The following IL7 variants were observed in gnomAD, a reference collection of about 807,000 sequenced individuals.
IL7 encodes the protein interleukin 7.
Under a neutral mutation model 21.6 loss-of-function variants are expected in IL7, and 3 were observed. The ratio of observed to expected loss-of-function variants is 0.14; its 90% CI spans 0.06 to 0.36. The LOEUF is 0.36. Ranked by LOEUF, IL7 falls within the 10% of genes least tolerant of loss-of-function variation. The pLI, the probability that IL7 is intolerant of heterozygous loss-of-function variation, is 1.00. For missense variants in IL7, 175 were observed against 200.2 expected (o/e 0.87, Z 0.76); for synonymous variants, 62 against 68.1 (o/e 0.91, Z 0.44).
intron 2 of IL7, 105 bp downstream of exon 2, chr8:78,797,967 C>T: frequency 2.3e-6 from 2 of 854,088 alleles, no homozygotes; most frequent in South Asian, 4.5e-5. Context: ...AGTTACTTCA[C>T]TTTCTTGTCA....
intron 2 of IL7, among the ~76,000 whole-genome samples, chr8:78,747,386 T>C (rs1812016757): frequency 6.6e-6 from 1 of 152,084 alleles, no homozygotes; most frequent in African/African-American, 2.4e-5. Flanking sequence ...GGTTTCACCA[T>C]GTTGGCCAGG....
At chr8:78,686,341 A>G (rs967601980) in intron 3 of IL7, 5 of 783,272 alleles carry the variant, frequency 6.4e-6, no homozygotes, top group Non-Finnish European at 8.8e-6. Flanking sequence ...TTTGAGAAGG[A>G]TATCATTTAA....
At chr8:78,774,243 C>T (rs911824650) in intron 2 of IL7, among the ~76,000 whole-genome samples, 1 of 152,046 alleles carries the variant, frequency 6.6e-6, no homozygotes, top group African/African-American at 2.4e-5. Flanking sequence ...AACCCTGTAG[C>T]CTTGCCTCTT....
intron 2 of IL7, chr8:78,761,656 T>G: frequency 1.2e-6 from 2 of 1,612,040 alleles, no homozygotes; most frequent in Non-Finnish European, 1.7e-6. Context: ...AAAAGACGTG[T>G]GAGTCTCTCA....
chr8:78,702,935 C>T (rs1029788428), intron 3 of IL7, among the ~76,000 whole-genome samples: 23 of 152,060 alleles, frequency 1.5e-4, no homozygotes, highest in East Asian at 5.8e-4. Flanking sequence ...TTCACTCTGT[C>T]GCCCAGGCTA....
At chr8:78,783,751 T>C (rs114844596) in intron 2 of IL7, among the ~76,000 whole-genome samples, 279 of 152,324 alleles carry the variant, frequency 1.8e-3, no homozygotes, top group African/African-American at 6.3e-3. Context: ...ATTTGAGAGA[T>C]GAAGTATGAG....
At chr8:78,704,761 A>G (rs1018231002) in intron 3 of IL7, among the ~76,000 whole-genome samples, 7 of 152,128 alleles carry the variant, frequency 4.6e-5, no homozygotes, top group African/African-American at 1.7e-4. Context: ...GTCTTTTTAT[A>G]TAATGTCACA....
rs575768717 is a variant in IL7, at chr8:78,740,065, A to C, written c.165T>G (p.Ile55Met). 2.3e-5 allele frequency: 35 copies of C among 1,528,522 alleles called. No homozygotes were observed. The Middle Eastern group carries it at 5.2e-4, about 23-fold the overall frequency. The allele number at this position is 1,528,522 out of a possible 1,614,324, so 94.7% of individuals were successfully genotyped here. Residue 55 changes from isoleucine (I) to methionine (M), a missense_variant, in exon 3 of 6, where the codon ATT becomes ATG. Transcript: ENST00000263851. ...ATTCATTATTCAGGCAATTGCTACC[A>C]ATTTCTTTCATGCTGTCCTGTAATA... The part of the protein sequence containing the change: ...IDQLLDSMKE[I>M]GSNCLNNEFN...
At chr8:78,795,860 CA>C (rs1813835723) in intron 2 of IL7, among the ~76,000 whole-genome samples, 1 of 151,962 alleles carries the variant, frequency 6.6e-6, no homozygotes, top group Non-Finnish European at 1.5e-5. Flanking sequence ...TTACAATGTA[CA>C]GTGTAGCACA....
At chr8:78,750,064 A>G (rs1812114790) in intron 2 of IL7, among the ~76,000 whole-genome samples, 2 of 152,076 alleles carry the variant, frequency 1.3e-5, no homozygotes, top group African/African-American at 2.4e-5. Context: ...AAAAAGCTGA[A>G]TAGTCTGTTC....
intron 3 of IL7, chr8:78,697,578 G>A: frequency 9.2e-7 from 1 of 1,092,182 alleles, no homozygotes; most frequent in South Asian, 1.4e-5. Context: ...AAAGATAGTG[G>A]TCTATTCTGG....
intron 3 of IL7, chr8:78,724,142 A>G (rs1811298778): frequency 6.6e-6 from 1 of 152,240 alleles, no homozygotes; most frequent in Non-Finnish European, 1.5e-5. Context: ...GCCATGGGGA[A>G]GAGCTAGGAG....
In IL7 at chr8:78,805,126, G is replaced by A. The variant is rs1009712426; in HGVS notation, c.-204C>T. 7.3e-6 allele frequency: 4 copies of A among 551,654 alleles called. No individual in the cohort carries two copies. Among genetic ancestry groups the A allele is most frequent in the Non-Finnish European group, 1.3e-5 (4 of 303,890 alleles). The allele number at this position is 551,654 out of a possible 1,614,324, so 34.2% of individuals were successfully genotyped here. A position where few individuals can be genotyped will look rare whatever the true frequency, so the allele number is the denominator to read the frequency against. ...CAAGGGGGGCGGCACACACTACGGC[G>A]TGGCTCTGCGCTTTGCCTTTTCCAT... On this transcript the variant is annotated 5_prime_UTR_variant, in exon 1 of 6. It adds an upstream start codon to the 5' untranslated region. Coordinates refer to ENST00000263851, the MANE Select transcript of IL7 (RefSeq NM_000880.4).
chr8:78,694,587 T>C (rs1810336940), intron 3 of IL7, among the ~76,000 whole-genome samples: 2 of 152,202 alleles, frequency 1.3e-5, no homozygotes, highest in Non-Finnish European at 2.9e-5. Flanking sequence ...GAAATTTCTT[T>C]TCCTCTCATT....
chr8:78,681,521 TGTC>T (rs1333538189), intron 4 of IL7, among the ~76,000 whole-genome samples: 1 of 152,208 alleles, frequency 6.6e-6, no homozygotes, highest in Non-Finnish European at 1.5e-5. Context: ...AAGTAGATAA[TGTC>T]ATTCTTTTTG....
intron 3 of IL7, among the ~76,000 whole-genome samples, chr8:78,692,648 T>C (rs1200192678): frequency 4.6e-5 from 7 of 152,078 alleles, no homozygotes; most frequent in African/African-American, 1.7e-4. Context: ...TGGTTTCCAG[T>C]AATCTTTTTG....
At chr8:78,717,677 A>G (rs1586037839), downstream of IL7, 2 of 410,450 alleles carry the variant, frequency 4.9e-6, no homozygotes, top group South Asian at 8.3e-5. Context: ...CATATACTGT[A>G]TATAATAAAT....
Position 78,709,456 on chromosome 8 carries a change from C to T in IL7, n.214+11892G>A, listed in dbSNP as rs570140465. 6.6e-5 allele frequency among the ~76,000 whole-genome samples: 10 copies of T among 152,094 alleles called. No individual in the cohort carries two copies. In the East Asian group the frequency reaches 1.7e-3, roughly 26 times the overall value. ...GTTGATCTAGAAATGCTTGTGATAA[C>T]CTAGAATTCCAGACCTCGGTTTCTT... is the stretch of plus-strand genomic sequence containing the variant. On this transcript the variant is annotated intron_variant and non_coding_transcript_variant, in intron 3 of 4. Transcript: ENST00000523959.
intron 2 of IL7, chr8:78,761,307 C>T: frequency 1.2e-6 from 2 of 1,611,506 alleles, no homozygotes; most frequent in South Asian, 1.1e-5. Flanking sequence ...ACTCCCATAA[C>T]AGGTACTGAT....
Sources: allele counts gnomAD v4.1 joint callset (sites outside exome capture counted in the v4.1 genomes callset), GRCh38; gene constraint gnomAD v4.1.1; transcripts MANE v1.5; gene names NCBI Gene and HGNC (gene_info 2026-07-23, HGNC 2026-07-21).